ELAVL2: variants seen among roughly 807,000 people sequenced by gnomAD.
The protein encoded by ELAVL2 is ELAV-like protein 2.
A neutral mutation model predicts 34.6 loss-of-function variants in ELAVL2; 4 were observed. The ratio of observed to expected loss-of-function variants is 0.12; its 90% confidence interval spans 0.06 to 0.26. The LOEUF is 0.26. Ranked by LOEUF, ELAVL2 falls within the 10% of genes least tolerant of loss-of-function variation. The probability of loss-of-function intolerance (pLI) is 1.00; values close to 1 mark genes in which losing one functional copy is unlikely to be tolerated. For synonymous variants in ELAVL2, 193 were observed against 154.8 expected, an observed-to-expected ratio of 1.25 and a Z score of -1.83; for missense variants, 432 against 442.8, an observed-to-expected ratio of 0.98 and a Z score of 0.22.
intron 2 of ELAVL2, among the ~76,000 whole-genome samples, chr9:23,747,919 T>C (rs2050907207): frequency 1.3e-5 from 2 of 152,018 alleles, no homozygotes; most frequent in South Asian, 4.1e-4. Flanking sequence ...CTAAATTTTT[T>C]TTTTTAAAAA....
intron 3 of ELAVL2, among the ~76,000 whole-genome samples, chr9:23,707,069 T>G (rs1356902506): frequency 6.6e-6 from 1 of 152,208 alleles, no homozygotes; most frequent in Non-Finnish European, 1.5e-5. Flanking sequence ...TTTGGAATAG[T>G]GGTGGAGAAA....
chr9:23,804,158 A>C (rs1395382254), intron 1 of ELAVL2, among the ~76,000 whole-genome samples: 2 of 151,600 alleles, frequency 1.3e-5, no homozygotes, highest in Non-Finnish European at 2.9e-5. Context: ...TAAAAGATGG[A>C]TTTATTATTT....
intron 5 of ELAVL2, among the ~76,000 whole-genome samples, chr9:23,697,195 C>A (rs888714591): frequency 6.6e-6 from 1 of 151,810 alleles, no homozygotes; most frequent in Non-Finnish European, 1.5e-5. Context: ...GAAAAAGTAA[C>A]TTAAAAAAAG....
chr9:23,794,033 C>A (rs1340435436), intron 1 of ELAVL2, among the ~76,000 whole-genome samples: 1 of 152,152 alleles, frequency 6.6e-6, no homozygotes, highest in Admixed American at 6.5e-5. Context: ...GAAACCCAAC[C>A]AGAATGGAGA....
chr9:23,824,585 A>G (rs2065168692), intron 1 of ELAVL2, among the ~76,000 whole-genome samples: 1 of 152,092 alleles, frequency 6.6e-6, no homozygotes, highest in Admixed American at 6.5e-5. Flanking sequence ...CCCTCGTGCC[A>G]ATAATTTAAA....
chr9:23,830,922 C>G (rs890183377), upstream of ELAVL2, among the ~76,000 whole-genome samples: 5 of 152,036 alleles, frequency 3.3e-5, no homozygotes, highest in African/African-American at 1.2e-4. Context: ...CCAAAAAACC[C>G]GGAGGTGAAA....
At chr9:23,767,326 G>A (rs1360683961) in intron 1 of ELAVL2, among the ~76,000 whole-genome samples, 4 of 152,160 alleles carry the variant, frequency 2.6e-5, no homozygotes, top group Non-Finnish European at 4.4e-5. Context: ...TTAAGAATTT[G>A]AGAAGTCAAA....
rs1292983816 is a variant in ELAVL2, at chr9:23,691,953, T to G, written c.*604A>C. The G allele has an allele frequency of 6.6e-6, 1 of 152,608 alleles. No homozygotes were observed. Among genetic ancestry groups the G allele is most frequent in the Non-Finnish European group, 1.5e-5 (1 of 68,046 alleles). 9.5% of individuals were successfully genotyped at this position (152,608 alleles called of 1,614,324 possible). A position where few individuals can be genotyped will look rare whatever the true frequency, so the allele number is the denominator to read the frequency against. On this transcript the variant is annotated 3_prime_UTR_variant, in exon 7 of 7. Transcript: ENST00000397312. ...GGCTCTTATCTCTTTGGCAAGGTAC[T>G]GCTTTACGAAAAGTTCTCCAGTATT...
At chr9:23,706,158 T>C (rs916159001) in intron 3 of ELAVL2, among the ~76,000 whole-genome samples, 1 of 152,216 alleles carries the variant, frequency 6.6e-6, no homozygotes, top group African/African-American at 2.4e-5. Flanking sequence ...TAACTTTGCC[T>C]GCCACTGTAT....
chr9:23,724,861 A>G (rs917888632), intron 3 of ELAVL2, among the ~76,000 whole-genome samples: 2 of 152,092 alleles, frequency 1.3e-5, no homozygotes, highest in Admixed American at 1.3e-4. Context: ...CACTCCTGGC[A>G]TATACTTTTT....
intron 1 of ELAVL2, chr9:23,779,397 C>A: frequency 1.0e-6 from 1 of 985,322 alleles, no homozygotes; most frequent in Non-Finnish European, 1.2e-6. Flanking sequence ...TAAACACTGG[C>A]TATTTATAGC....
In ELAVL2 at chr9:23,808,311, C is replaced by T. The variant is rs149144016; in HGVS notation, c.-16+17495G>A. ...TAGAACTTTAACATAATATCTCCTC[C>T]AATAAACTCTAAGTTTCATATCAGC... is the stretch of plus-strand genomic sequence containing the variant. On this transcript the variant is annotated intron_variant, in intron 1 of 6. Coordinates refer to ENST00000397312, the MANE Select transcript of ELAVL2 (RefSeq NM_004432.5). 9.2e-5 allele frequency among the ~76,000 whole-genome samples: 14 copies of T among 152,188 alleles called. No individual in the cohort carries two copies. The East Asian group carries it at 2.7e-3, about 29-fold the overall frequency.
At chr9:23,827,922 G>A (rs1392619728), upstream of ELAVL2, among the ~76,000 whole-genome samples, 1 of 152,090 alleles carries the variant, frequency 6.6e-6, no homozygotes, top group African/African-American at 2.4e-5. Flanking sequence ...CTGAATCTAT[G>A]TTATCTTATA....
At chr9:23,697,248 G>A (rs2035576515) in intron 5 of ELAVL2, among the ~76,000 whole-genome samples, 1 of 152,126 alleles carries the variant, frequency 6.6e-6, no homozygotes, top group Admixed American at 6.5e-5. Context: ...GTACCAGTAA[G>A]GGAAATACAA....
intron 1 of ELAVL2, among the ~76,000 whole-genome samples, chr9:23,780,166 A>G (rs1237393371): frequency 6.6e-6 from 1 of 152,036 alleles, no homozygotes; most frequent in Non-Finnish European, 1.5e-5. Flanking sequence ...ACTGTATTAT[A>G]AAACATTTTG....
At chr9:23,799,249 G>A (rs2061315654) in intron 1 of ELAVL2, among the ~76,000 whole-genome samples, 1 of 152,086 alleles carries the variant, frequency 6.6e-6, no homozygotes, top group South Asian at 2.1e-4. Context: ...CTTAACAAGC[G>A]AAGTCAGGAG....
At chr9:23,775,713 C>A (rs1233765404) in intron 1 of ELAVL2, among the ~76,000 whole-genome samples, 5 of 152,184 alleles carry the variant, frequency 3.3e-5, no homozygotes, top group Non-Finnish European at 7.3e-5. Context: ...TCTTCATCCA[C>A]ATGCCCAGCA....
At chr9:23,718,391 TATAC>T (rs1250751334) in intron 3 of ELAVL2, among the ~76,000 whole-genome samples, 5 of 152,134 alleles carry the variant, frequency 3.3e-5, no homozygotes, top group Non-Finnish European at 5.9e-5. Flanking sequence ...TGTATACAGG[TATAC>T]ATACACAAAG....
At chr9:23,800,350 A>T (rs2061434254) in intron 1 of ELAVL2, among the ~76,000 whole-genome samples, 1 of 152,164 alleles carries the variant, frequency 6.6e-6, no homozygotes, top group South Asian at 2.1e-4. Flanking sequence ...AACCCAGGGT[A>T]TCTGCTCATG....
Sources: gnomAD v4.1 joint callset for allele counts (sites outside exome capture counted in the v4.1 genomes callset) on GRCh38, gnomAD v4.1.1 for gene constraint, MANE v1.5 for transcripts, NCBI Gene and HGNC (gene_info 2026-07-23, HGNC 2026-07-21) for gene names.